The following TBCA variants were observed in gnomAD, a reference collection of about 807,000 sequenced individuals.
TBCA encodes the protein tubulin-specific chaperone A.
Under a neutral mutation model 15.8 loss-of-function variants are expected in TBCA, and 6 were observed. That is an observed-to-expected ratio of 0.38 (90% confidence interval 0.21 to 0.75). TBCA has a LOEUF of 0.75. Among genes scored for constraint, TBCA ranks in the 30% least tolerant of loss-of-function variants. TBCA has a pLI of 0.46. For missense variants in TBCA, 90 were observed against 131.2 expected, an observed-to-expected ratio of 0.69 and a Z score of 1.53; for synonymous variants, 32 against 42.3, an observed-to-expected ratio of 0.76 and a Z score of 0.94.
At chr5:77,712,226 T>G (rs1372697224) in intron 1 of TBCA, among the ~76,000 whole-genome samples, 1 of 152,202 alleles carries the variant, frequency 6.6e-6, no homozygotes, top group Admixed American at 6.5e-5. Context: ...CAACCTGTAG[T>G]GTATGAAATT....
intron 1 of TBCA, among the ~76,000 whole-genome samples, chr5:77,756,021 CA>C (rs78531341): frequency 7.3e-5 from 11 of 151,322 alleles, no homozygotes; most frequent in African/African-American, 2.4e-4. Flanking sequence ...ACAACAACAA[CA>C]AAAAAAAAAA....
At chr5:77,713,048 C>A (rs1193812577) in intron 1 of TBCA, among the ~76,000 whole-genome samples, 1 of 152,086 alleles carries the variant, frequency 6.6e-6, no homozygotes, top group Non-Finnish European at 1.5e-5. Flanking sequence ...AATCCCAACA[C>A]TTTGGGAGGC....
At chr5:77,728,865 G>T (rs1472776681) in intron 1 of TBCA, among the ~76,000 whole-genome samples, 1 of 151,928 alleles carries the variant, frequency 6.6e-6, no homozygotes, top group Non-Finnish European at 1.5e-5. Flanking sequence ...TCCCTTCCTT[G>T]GTCAGTTAAT....
intron 1 of TBCA, among the ~76,000 whole-genome samples, chr5:77,765,462 T>C (rs1452389120): frequency 2.0e-5 from 3 of 152,176 alleles, no homozygotes; most frequent in Non-Finnish European, 2.9e-5. Flanking sequence ...GGCACTAACA[T>C]TGGACATAGC....
chr5:77,772,110 T>A (rs1747928909), intron 1 of TBCA, among the ~76,000 whole-genome samples: 1 of 151,154 alleles, frequency 6.6e-6, no homozygotes, highest in African/African-American at 2.4e-5. Context: ...AAGAATAGAA[T>A]CCCTTTCACA....
At chr5:77,725,950 G>A (rs1402371349) in intron 1 of TBCA, among the ~76,000 whole-genome samples, 1 of 152,194 alleles carries the variant, frequency 6.6e-6, no homozygotes, top group Non-Finnish European at 1.5e-5. Context: ...GAAGGGTGGA[G>A]CTGAGATTAT....
At chr5:77,764,265 T>C (rs921429193) in intron 1 of TBCA, among the ~76,000 whole-genome samples, 3 of 152,202 alleles carry the variant, frequency 2.0e-5, no homozygotes, top group African/African-American at 7.2e-5. Flanking sequence ...AGCACAAAAT[T>C]AGATGTTATT....
At chr5:77,740,746 G>T (rs144431833) in intron 1 of TBCA, among the ~76,000 whole-genome samples, 6 of 152,140 alleles carry the variant, frequency 3.9e-5, no homozygotes, top group African/African-American at 1.4e-4. Flanking sequence ...GTCATGAGTG[G>T]GCAATATTGC....
At chr5:77,767,434 G>T (rs562978686) in intron 1 of TBCA, among the ~76,000 whole-genome samples, 6 of 152,320 alleles carry the variant, frequency 3.9e-5, no homozygotes, top group African/African-American at 1.4e-4. Context: ...AGAATGTCTT[G>T]TAATCATTGT....
chr5:77,754,134 A>G (rs1486429153), intron 1 of TBCA, among the ~76,000 whole-genome samples: 3 of 152,178 alleles, frequency 2.0e-5, no homozygotes, highest in Admixed American at 1.3e-4. Flanking sequence ...TCTGGACTCT[A>G]TGGCTTGTCC....
intron 2 of TBCA, among the ~76,000 whole-genome samples, chr5:77,706,345 T>C (rs1046068426): frequency 6.6e-6 from 1 of 152,130 alleles, no homozygotes; most frequent in Non-Finnish European, 1.5e-5. Context: ...TGATCTGAGG[T>C]ACATTTTATA....
intron 1 of TBCA, among the ~76,000 whole-genome samples, chr5:77,724,270 C>T (rs985033678): frequency 6.6e-6 from 1 of 151,994 alleles, no homozygotes; most frequent in Non-Finnish European, 1.5e-5. Context: ...AAAGGATGAT[C>T]TACTCTCTCC....
At chr5:77,748,888 A>G (rs1401988337) in intron 1 of TBCA, among the ~76,000 whole-genome samples, 1 of 152,240 alleles carries the variant, frequency 6.6e-6, no homozygotes, top group Non-Finnish European at 1.5e-5. Flanking sequence ...CATAAGGAAG[A>G]GAAAATACAT....
At chr5:77,719,715 TAATA>T (rs1187604344) in intron 1 of TBCA, among the ~76,000 whole-genome samples, 1 of 152,174 alleles carries the variant, frequency 6.6e-6, no homozygotes, top group Non-Finnish European at 1.5e-5. Context: ...TCTCAAGGAT[TAATA>T]AATGAATAAA....
intron 1 of TBCA, among the ~76,000 whole-genome samples, chr5:77,759,419 T>C (rs974685906): frequency 3.9e-5 from 6 of 152,164 alleles, no homozygotes; most frequent in African/African-American, 1.4e-4. Context: ...AGGGGTATAA[T>C]GAGGTATGTG....
intron 2 of TBCA, among the ~76,000 whole-genome samples, chr5:77,695,224 A>C (rs1273573756): frequency 6.6e-6 from 1 of 152,214 alleles, no homozygotes; most frequent in African/African-American, 2.4e-5. Flanking sequence ...CTATTCATTA[A>C]AATTCTATCT....
intron 1 of TBCA, among the ~76,000 whole-genome samples, chr5:77,748,769 G>A (rs1313795533): frequency 6.6e-6 from 1 of 152,132 alleles, no homozygotes; most frequent in Non-Finnish European, 1.5e-5. Flanking sequence ...CTGTGGACCA[G>A]AAGCCTTACC....
chr5:77,774,162 A>G (rs1249424643), intron 1 of TBCA, among the ~76,000 whole-genome samples: 1 of 152,214 alleles, frequency 6.6e-6, no homozygotes, highest in East Asian at 1.9e-4. Context: ...TTGTAACAAT[A>G]AGACACCAAA....
chr5:77,765,054 C>A (rs1270097957), intron 1 of TBCA, among the ~76,000 whole-genome samples: 1 of 152,006 alleles, frequency 6.6e-6, no homozygotes, highest in Admixed American at 6.6e-5. Context: ...GCAAAAATAA[C>A]CTATTTTGCG....
Sources: gnomAD v4.1 joint callset for allele counts (sites outside exome capture counted in the v4.1 genomes callset) on GRCh38, gnomAD v4.1.1 for gene constraint, MANE v1.5 for transcripts, NCBI Gene and HGNC (gene_info 2026-07-23, HGNC 2026-07-21) for gene names.